Variants in USP9X observed in about 807,000 individuals in gnomAD.
The protein encoded by USP9X is ubiquitin specific peptidase 9 X-linked.
Under a neutral mutation model 190.3 loss-of-function variants are expected in USP9X, and 7 were observed. That is an observed-to-expected ratio of 0.04 (90% CI 0.02 to 0.07). USP9X has a LOEUF of 0.07. USP9X is among the 10% of genes least tolerant of loss of function. The pLI is 1.00. For synonymous variants in USP9X, 645 were observed against 659.5 expected, an observed-to-expected ratio of 0.98 and a Z score of 0.34; for missense variants, 1,010 against 1,916.9, an observed-to-expected ratio of 0.53 and a Z score of 8.83.
At chrX:41,176,253 T>C (rs974238548) in intron 21 of USP9X, among the ~76,000 whole-genome samples, 1 of 111,590 alleles carries the variant, frequency 9.0e-6, no homozygotes, top group Non-Finnish European at 1.9e-5. Flanking sequence ...TACCCACTTA[T>C]TGGGCTCCCT....
intron 33 of USP9X, among the ~76,000 whole-genome samples, chrX:41,213,009 C>T (rs1602042809): frequency 8.9e-6 from 1 of 112,177 alleles, no homozygotes. Context: ...GTTCATGTTA[C>T]TCCTCCTTAG....
chrX:41,210,573 G>A lies in USP9X; in HGVS notation c.5080G>A (p.Val1694Met), dbSNP rs1313735538. 5 of 1,209,865 alleles carry A rather than the reference G, an allele frequency of 4.1e-6. No individual in the cohort carries two copies. The highest frequency in any genetic ancestry group is 5.6e-6 in the Non-Finnish European group (5 of 895,183). ...HDALEFFNSL[V>M]DSLDEALKAL... Reference sequence around the variant, plus strand: ...TGCTTTAGAATTTTTTAATTCATTGGTGGATAGTTTAGATGAAGCTTTAAA... The same window carrying A: ...TGCTTTAGAATTTTTTAATTCATTGATGGATAGTTTAGATGAAGCTTTAAA... Residue 1694 changes from valine to methionine, a missense_variant, in exon 33 of 45, where the codon GTG (valine) becomes ATG (methionine). Val to Met is a conservative substitution (Grantham distance 21, BLOSUM62 1). Transcript: ENST00000378308.
At chrX:41,173,385 G>A (rs1010387447) in intron 21 of USP9X, among the ~76,000 whole-genome samples, 4 of 112,046 alleles carry the variant, frequency 3.6e-5, no homozygotes, top group Non-Finnish European at 7.5e-5. Flanking sequence ...TGGGGAAAAA[G>A]TAGAGTTTTG....
chrX:41,106,012 T>C (rs1188465418), intron 1 of USP9X, among the ~76,000 whole-genome samples: 5 of 112,452 alleles, frequency 4.4e-5, no homozygotes, highest in African/African-American at 6.5e-5. Context: ...TCTTTGTATA[T>C]TCTAGATACA....
At chrX:41,169,781 A>G (rs949579360) in intron 18 of USP9X, among the ~76,000 whole-genome samples, 1 of 112,229 alleles carries the variant, frequency 8.9e-6, no homozygotes, top group African/African-American at 3.2e-5. Flanking sequence ...TGAAAGTAAT[A>G]CAGGTTGAGT....
intron 10 of USP9X, among the ~76,000 whole-genome samples, chrX:41,144,193 A>G (rs1177109418): frequency 9.3e-6 from 1 of 107,970 alleles, no homozygotes; most frequent in Non-Finnish European, 1.9e-5. Flanking sequence ...TTTAGATGGC[A>G]GTTCTAAAGC....
At chrX:41,227,713 T>C (rs1307054895) in intron 41 of USP9X, among the ~76,000 whole-genome samples, 1 of 110,981 alleles carries the variant, frequency 9.0e-6, no homozygotes, top group Non-Finnish European at 1.9e-5. Context: ...GAACTTTTTT[T>C]TTTTTGAGAG....
At chrX:41,158,845 T>C (rs770844545) in intron 14 of USP9X, among the ~76,000 whole-genome samples, 1 of 111,557 alleles carries the variant, frequency 9.0e-6, no homozygotes, top group African/African-American at 3.3e-5. Flanking sequence ...AAAGCACATA[T>C]CATCTTAATA....
At chrX:41,118,505 C>T (rs1217459297) in intron 1 of USP9X, among the ~76,000 whole-genome samples, 1 of 111,800 alleles carries the variant, frequency 8.9e-6, no homozygotes, top group African/African-American at 3.3e-5. Context: ...AACATAGGTA[C>T]CACATTTTGT....
At chrX:41,213,347 T>C (rs2063182778) in intron 33 of USP9X, among the ~76,000 whole-genome samples, 1 of 111,534 alleles carries the variant, frequency 9.0e-6, no homozygotes, top group East Asian at 2.8e-4. Context: ...ATACAACCAT[T>C]CTGTTTTTCA....
chrX:41,183,257 A>G (rs1344184821), intron 21 of USP9X, among the ~76,000 whole-genome samples: 4 of 107,720 alleles, frequency 3.7e-5, no homozygotes, highest in African/African-American at 1.4e-4. Context: ...CTTTTCTTTA[A>G]AAGAAGCTTT....
Position 41,197,346 on chromosome X carries a change from AC to A in USP9X, c.4234-12del, listed in dbSNP as rs1241898703. The A allele has an allele frequency of 1.7e-5, 5 of 288,017 alleles. No individual in the cohort carries two copies. The highest frequency in any genetic ancestry group is 8.2e-5 in the Admixed American group (1 of 12,233). 23.7% of individuals were successfully genotyped at this position (288,017 alleles called of 1,213,427 possible). ...TTTGATTTCTTCCCCCCCCCACCCC[AC>A]CCCCCGCCTTTGGCAGGATGATGTT... is the stretch of plus-strand genomic sequence containing the variant. On this transcript the variant is annotated splice_polypyrimidine_tract_variant and intron_variant, in intron 28 of 44. Transcript: ENST00000378308.
chrX:41,194,486 G>A (rs2077876806), intron 26 of USP9X, among the ~76,000 whole-genome samples: 1 of 111,182 alleles, frequency 9.0e-6, no homozygotes, highest in South Asian at 3.8e-4. Flanking sequence ...CCTGGGAGGC[G>A]GAGGTTGCAG....
intron 33 of USP9X, among the ~76,000 whole-genome samples, chrX:41,213,401 C>A (rs1378151421): frequency 8.9e-6 from 1 of 112,215 alleles, no homozygotes; most frequent in Non-Finnish European, 1.9e-5. Flanking sequence ...CTTTGTGTTA[C>A]AAGATTTTGC....
intron 20 of USP9X, 120 bp from the exon 21 acceptor site, chrX:41,171,718 C>G (rs1260699158): frequency 2.3e-6 from 2 of 883,179 alleles, no homozygotes; most frequent in Non-Finnish European, 3.3e-6. Flanking sequence ...CAGACTATTT[C>G]AAAGAGTAGA....
intron 24 of USP9X, among the ~76,000 whole-genome samples, chrX:41,187,780 C>T (rs1260450440): frequency 9.1e-6 from 1 of 109,622 alleles, no homozygotes; most frequent in African/African-American, 3.3e-5. Flanking sequence ...ATGATCACAC[C>T]ACTGTACTCT....
At chrX:41,106,887 C>CT (rs60809399) in intron 1 of USP9X, among the ~76,000 whole-genome samples, 1,362 of 79,961 alleles carry the variant, frequency 0.017, 29 homozygotes, top group African/African-American at 0.042. Context: ...CTTTTCTTTT[C>CT]TTTTTTTTTT....
Position 41,184,656 on chromosome X carries a change from G to C in USP9X, c.3539G>C (p.Gly1180Ala). ...GAAGCTTGTCAGCCAGGTGTAGAAGGTGTGAATCCCATGACACAGGTAATA... is the reference window on the plus strand; with the variant it reads ...GAAGCTTGTCAGCCAGGTGTAGAAGCTGTGAATCCCATGACACAGGTAATA... Reference protein sequence around the residue: ...VAEACQPGVEGVNPMTQINQV... With the variant: ...VAEACQPGVEAVNPMTQINQV... The change falls in exon 23 of 45, where the codon GGT becomes GCT. Residue 1180 changes from glycine to alanine, a missense_variant. Transcript: ENST00000378308. 8.3e-7 allele frequency: 1 copy of C among 1,210,599 alleles called. No individual in the cohort carries two copies. The highest frequency in any genetic ancestry group is 1.1e-6 in the Non-Finnish European group (1 of 894,693).
chrX:41,230,166 G>A (rs994391344), intron 43 of USP9X, among the ~76,000 whole-genome samples: 1 of 111,500 alleles, frequency 9.0e-6, no homozygotes, highest in African/African-American at 3.3e-5. Flanking sequence ...GTGCCAGTGG[G>A]CTCCAGCTTG....
Sources: gnomAD v4.1 joint callset for allele counts (sites outside exome capture counted in the v4.1 genomes callset) on GRCh38, gnomAD v4.1.1 for gene constraint, MANE v1.5 for transcripts, NCBI Gene and HGNC (gene_info 2026-07-23, HGNC 2026-07-21) for gene names.